The following NUP210L variants were observed in gnomAD, a reference collection of about 807,000 sequenced individuals.
NUP210L encodes the protein nucleoporin 210 like.
In NUP210L, 74 loss-of-function variants were observed where a neutral mutation model predicts 208.5. That is an observed-to-expected ratio of 0.35 (90% CI 0.29 to 0.43). NUP210L has a LOEUF of 0.43. Among genes scored for constraint, NUP210L ranks in the 20% least tolerant of loss-of-function variants. The probability of loss-of-function intolerance (pLI) is 1.00; values close to 1 mark genes in which losing one functional copy is unlikely to be tolerated. For synonymous variants in NUP210L, 780 were observed against 816.9 expected, an observed-to-expected ratio of 0.95 and a Z score of 0.77; for missense variants, 1,843 against 2,289.4, an observed-to-expected ratio of 0.81 and a Z score of 3.98.
At chr1:153,993,567 G>GAA (rs1211758853) in intron 38 of NUP210L, among the ~76,000 whole-genome samples, 4 of 122,862 alleles carry the variant, frequency 3.3e-5, no homozygotes, top group Admixed American at 1.7e-4. Flanking sequence ...CTCTGTCTCA[G>GAA]AAAAAAAAAA....
At chr1:154,056,844 T>G (rs1427442983) in exon 23 of NUP210L, 1 of 1,593,834 alleles carries the variant, frequency 6.3e-7, no homozygotes, top group South Asian at 1.1e-5. Context: ...GATGTGTATT[T>G]TCTTCCCATC....
At chr1:154,046,139 T>G (rs200229563) in exon 27 of NUP210L, 1 of 1,614,124 alleles carries the variant, frequency 6.2e-7, no homozygotes, top group Non-Finnish European at 8.5e-7. Context: ...GAGCCCAGGA[T>G]TAGCATTGCT....
exon 33 of NUP210L, chr1:154,018,959 G>C (rs781270243): frequency 1.4e-5 from 23 of 1,613,814 alleles, no homozygotes; most frequent in Non-Finnish European, 1.8e-5. Context: ...ACTACTCCTG[G>C]GATGTCATGA....
At chr1:154,087,767 A>G (rs1031918381) in intron 16 of NUP210L, among the ~76,000 whole-genome samples, 6 of 152,212 alleles carry the variant, frequency 3.9e-5, no homozygotes, top group African/African-American at 1.4e-4. Flanking sequence ...TAAAAAATGC[A>G]CTACTGATAC....
At chr1:154,061,467 A>G (rs764484653) in intron 18 of NUP210L, 119 bp downstream of exon 18, 2 of 527,704 alleles carry the variant, frequency 3.8e-6, no homozygotes, top group Non-Finnish European at 6.5e-6. Flanking sequence ...TCAAGGGCCA[A>G]AATAACAGAA....
exon 13 of NUP210L, chr1:154,104,031 G>T (rs1195103659): frequency 4.3e-6 from 7 of 1,613,512 alleles, no homozygotes; most frequent in South Asian, 1.1e-5. Context: ...GAAGAGTAAA[G>T]ACTCCTTGTT....
At chr1:154,094,747 A>G (rs979390791) in intron 15 of NUP210L, among the ~76,000 whole-genome samples, 188 bp downstream of exon 15, 2 of 152,234 alleles carry the variant, frequency 1.3e-5, no homozygotes, top group Non-Finnish European at 2.9e-5. Context: ...TGGATGAGCA[A>G]ATTGAAACCT....
chr1:154,029,207 T>C, intron 28 of NUP210L, among the ~76,000 whole-genome samples: 1 of 144,924 alleles, frequency 6.9e-6, no homozygotes, highest in Non-Finnish European at 1.5e-5. Context: ...TGAAACCCTG[T>C]CTCTACTAAA....
chr1:154,040,694 C>T (rs1477408683), intron 27 of NUP210L, among the ~76,000 whole-genome samples: 2 of 151,728 alleles, frequency 1.3e-5, no homozygotes, highest in Non-Finnish European at 2.9e-5. Context: ...TCACGCCATT[C>T]TCCCGCCTCA....
At chr1:154,140,026 T>TTGG in intron 4 of NUP210L, 74 bp from the exon 5 acceptor site, 1 of 1,166,222 alleles carries the variant, frequency 8.6e-7, no homozygotes, top group Non-Finnish European at 1.2e-6. Flanking sequence ...TAAGAGACTT[T>TTGG]AAACATAGTT....
chr1:154,068,112 GC>G (rs1654509652), intron 17 of NUP210L, among the ~76,000 whole-genome samples: 1 of 152,040 alleles, frequency 6.6e-6, no homozygotes. Flanking sequence ...CCAAAAAAGA[GC>G]CCACATTGCC....
At chr1:154,085,652 A>G (rs990102894) in intron 16 of NUP210L, among the ~76,000 whole-genome samples, 1 of 152,174 alleles carries the variant, frequency 6.6e-6, no homozygotes, top group Admixed American at 6.6e-5. Flanking sequence ...AATGCAAGGG[A>G]CCCAGAATAG....
chr1:154,105,567 G>A (rs1262394729), intron 12 of NUP210L, among the ~76,000 whole-genome samples: 1 of 152,186 alleles, frequency 6.6e-6, no homozygotes, highest in Admixed American at 6.5e-5. Flanking sequence ...GTGACATTCA[G>A]TGCCATGCTG....
chr1:154,061,638 G>C lies in NUP210L; in HGVS notation c.2591C>G (p.Thr864Ser), dbSNP rs530693698. ...CACAAAATTGACTCCAATCAGTACA[G>C]TCCCTTTTATCTGATGTACTTTAAG... Residue 864 changes from threonine to serine, a missense_variant, in exon 18 of 40, where the codon ACT (threonine) becomes AGT (serine). Coordinates refer to ENST00000368559, the Ensembl canonical transcript of NUP210L. 3.7e-6 allele frequency: 6 copies of C among 1,608,298 alleles called. No homozygotes were observed. The African/African-American group carries it at 6.7e-5, about 18-fold the overall frequency.
At chr1:154,132,712 T>C (rs1291691533) in intron 7 of NUP210L, among the ~76,000 whole-genome samples, 1 of 151,674 alleles carries the variant, frequency 6.6e-6, no homozygotes, top group Non-Finnish European at 1.5e-5. Flanking sequence ...TGACACACAG[T>C]TGGGGCTCAA....
chr1:154,066,072 A>G (rs1355671243), intron 17 of NUP210L, among the ~76,000 whole-genome samples: 1 of 152,136 alleles, frequency 6.6e-6, no homozygotes, highest in Non-Finnish European at 1.5e-5. Context: ...GTTCTTTGAA[A>G]TCAATGAGAA....
At chr1:154,114,142 C>CAAA (rs768988851) in intron 12 of NUP210L, among the ~76,000 whole-genome samples, 1 of 120,248 alleles carries the variant, frequency 8.3e-6, no homozygotes, top group Admixed American at 8.7e-5. Flanking sequence ...GACTCCATCT[C>CAAA]AAAAAAAAAA....
chr1:154,149,563 G>T (rs1374456791), intron 2 of NUP210L, among the ~76,000 whole-genome samples: 1 of 152,022 alleles, frequency 6.6e-6, no homozygotes, highest in Non-Finnish European at 1.5e-5. Context: ...AAAAAAACTA[G>T]CCAGGCCTGG....
rs1373975571 is a variant in NUP210L, at chr1:153,997,460, C to T, written c.5387-2280G>A. Among the ~76,000 whole-genome samples the T allele has an allele frequency of 2.8e-5, 4 of 140,986 alleles. No individual in the cohort carries two copies. In the East Asian group the frequency reaches 8.3e-4, roughly 29 times the overall value. 92.5% of individuals were successfully genotyped at this position (140,986 alleles called of 152,430 possible). A position where few individuals can be genotyped will look rare whatever the true frequency, so the allele number is the denominator to read the frequency against. On this transcript the variant is annotated intron_variant, in intron 37 of 39. Coordinates refer to ENST00000368559, the Ensembl canonical transcript of NUP210L. ...CTGGCCTTTTGGCTGTTTTTCTTTT[C>T]TTTTCTGTTTTTTTTTTTTTTTTTC...
Sources: allele counts gnomAD v4.1 joint callset (sites outside exome capture counted in the v4.1 genomes callset), GRCh38; gene constraint gnomAD v4.1.1; transcripts MANE v1.5; gene names NCBI Gene and HGNC (gene_info 2026-07-23, HGNC 2026-07-21).